Variants in LINGO2 observed in about 807,000 individuals in gnomAD.
LINGO2 encodes the protein leucine-rich repeat and immunoglobulin-like domain-containing nogo receptor-interacting protein 2.
LINGO2 carries 14 observed loss-of-function variants against 30.6 expected under a neutral mutation model. The ratio of observed to expected loss-of-function variants is 0.46; its 90% CI spans 0.30 to 0.72. The LOEUF (loss-of-function observed/expected upper bound fraction) is 0.72. Among genes scored for constraint, LINGO2 ranks in the 30% least tolerant of loss-of-function variants. The pLI, the probability that LINGO2 is intolerant of heterozygous loss-of-function variation, is 0.07. For missense variants in LINGO2, 729 were observed against 751.7 expected, an observed-to-expected ratio of 0.97 and a Z score of 0.35; for synonymous variants, 317 against 288.5, an observed-to-expected ratio of 1.10 and a Z score of -1.00.
At chr9:28,048,325 G>A (rs745496587) in intron 4 of LINGO2, among the ~76,000 whole-genome samples, 7 of 150,768 alleles carry the variant, frequency 4.6e-5, no homozygotes, top group Non-Finnish European at 7.4e-5. Flanking sequence ...TAAATTTTTT[G>A]TATAACAATA....
the LINGO2 span, among the ~76,000 whole-genome samples, chr9:29,117,100 A>T: frequency 6.6e-6 from 1 of 152,170 alleles, no homozygotes; most frequent in African/African-American, 2.4e-5. Context: ...GTGGTATGGC[A>T]TCTGGCACAA....
intron 3 of LINGO2, among the ~76,000 whole-genome samples, chr9:28,362,009 T>C (rs571749041): frequency 6.6e-6 from 1 of 152,198 alleles, no homozygotes; most frequent in South Asian, 2.1e-4. Context: ...CCAAAGGTGG[T>C]AGAGTACTGT....
rs1462355273 is a variant in LINGO2, at chr9:28,562,910, A to T, written c.-364-86885T>A. 2.1e-4 allele frequency among the ~76,000 whole-genome samples: 32 copies of T among 152,204 alleles called. 1 individual carries two copies. The highest frequency in any genetic ancestry group is 1.2e-4 in the Non-Finnish European group (8 of 68,020). ...CACCCAGGCTGCAGTGCAGTGGCACAATCTCGGCTCACTGCAAACTCCATC... is the reference window on the plus strand; with the variant it reads ...CACCCAGGCTGCAGTGCAGTGGCACTATCTCGGCTCACTGCAAACTCCATC... On this transcript the variant is annotated intron_variant, in intron 1 of 5. Coordinates refer to ENST00000379992, the Ensembl canonical transcript of LINGO2.
chr9:28,203,864 C>T (rs1485170960), intron 4 of LINGO2, among the ~76,000 whole-genome samples: 1 of 151,982 alleles, frequency 6.6e-6, no homozygotes, highest in East Asian at 1.9e-4. Flanking sequence ...AAAAAGCAAA[C>T]CCAAAAATGG....
intron 4 of LINGO2, among the ~76,000 whole-genome samples, chr9:28,109,885 A>G (rs1221843434): frequency 6.6e-6 from 1 of 152,198 alleles, no homozygotes; most frequent in Non-Finnish European, 1.5e-5. Context: ...GCATTAGAAA[A>G]AAAAACTACT....
At chr9:28,046,222 T>C (rs1293248185) in intron 4 of LINGO2, among the ~76,000 whole-genome samples, 1 of 152,180 alleles carries the variant, frequency 6.6e-6, no homozygotes, top group Non-Finnish European at 1.5e-5. Context: ...TTGCATTGAA[T>C]GCTATAAAAG....
chr9:28,033,273 T>C (rs1396432952), intron 4 of LINGO2, among the ~76,000 whole-genome samples: 5 of 152,196 alleles, frequency 3.3e-5, no homozygotes, highest in African/African-American at 1.2e-4. Flanking sequence ...ACTATACATG[T>C]TACATTCCAG....
chr9:28,868,752 C>T, the LINGO2 span, among the ~76,000 whole-genome samples: 2 of 152,066 alleles, frequency 1.3e-5, no homozygotes, highest in African/African-American at 4.8e-5. Flanking sequence ...TAACTGCAAA[C>T]ATAATTTGGT....
chr9:27,971,939 A>G (rs946391251), intron 5 of LINGO2, among the ~76,000 whole-genome samples: 3 of 152,190 alleles, frequency 2.0e-5, no homozygotes, highest in Non-Finnish European at 4.4e-5. Context: ...CCTTAAAACA[A>G]AATGGAAAAT....
At chr9:28,631,642 C>T (rs755822380) in intron 1 of LINGO2, among the ~76,000 whole-genome samples, 10 of 151,926 alleles carry the variant, frequency 6.6e-5, no homozygotes, top group Non-Finnish European at 1.0e-4. Context: ...GAAGAGAGAA[C>T]GTTAATATTT....
chr9:28,662,849 C>T (rs149360591), intron 1 of LINGO2, among the ~76,000 whole-genome samples: 50 of 152,288 alleles, frequency 3.3e-4, no homozygotes, highest in African/African-American at 1.1e-3. Context: ...ATTTAAACTT[C>T]TGACCATTCA....
At chr9:28,511,971 C>T (rs1045452550) in intron 1 of LINGO2, among the ~76,000 whole-genome samples, 4 of 152,162 alleles carry the variant, frequency 2.6e-5, no homozygotes, top group Non-Finnish European at 5.9e-5. Flanking sequence ...TCTTCTCTTC[C>T]TCTGTCAACT....
the LINGO2 span, among the ~76,000 whole-genome samples, chr9:29,110,222 T>A: frequency 6.6e-6 from 1 of 152,294 alleles, no homozygotes; most frequent in East Asian, 1.9e-4. Context: ...CCTTATACAC[T>A]GGTTTACTAT....
At chr9:29,099,150 G>A in the LINGO2 span, among the ~76,000 whole-genome samples, 4 of 152,130 alleles carry the variant, frequency 2.6e-5, no homozygotes, top group African/African-American at 4.8e-5. Context: ...TTCTTCAATC[G>A]ATAGTGCTGG....
chr9:29,076,586 AT>A, the LINGO2 span, among the ~76,000 whole-genome samples: 1 of 147,188 alleles, frequency 6.8e-6, no homozygotes, highest in African/African-American at 2.5e-5. Context: ...TATTACATAT[AT>A]ATATATTATA....
the LINGO2 span, among the ~76,000 whole-genome samples, chr9:28,698,051 C>A: frequency 1.3e-5 from 2 of 151,884 alleles, no homozygotes; most frequent in African/African-American, 4.8e-5. Flanking sequence ...TATGTATGAA[C>A]AAATTAGACT....
chr9:28,146,399 G>A (rs949292729), intron 4 of LINGO2, among the ~76,000 whole-genome samples: 2 of 152,126 alleles, frequency 1.3e-5, no homozygotes, highest in Non-Finnish European at 2.9e-5. Context: ...ACACTAGTTA[G>A]ACTAATCTAG....
At chr9:28,838,540 C>T in the LINGO2 span, among the ~76,000 whole-genome samples, 2 of 152,310 alleles carry the variant, frequency 1.3e-5, no homozygotes, top group Non-Finnish European at 2.9e-5. Flanking sequence ...TTGGTTTACA[C>T]AATCTTCCCT....
chr9:28,367,063 C>T (rs1163707748), intron 3 of LINGO2, among the ~76,000 whole-genome samples: 1 of 149,488 alleles, frequency 6.7e-6, no homozygotes, highest in African/African-American at 2.6e-5. Flanking sequence ...GACACATATA[C>T]ATTTATCTTC....
Sources: gnomAD v4.1 joint callset for allele counts (sites outside exome capture counted in the v4.1 genomes callset) on GRCh38, gnomAD v4.1.1 for gene constraint, MANE v1.5 for transcripts, NCBI Gene and HGNC (gene_info 2026-07-23, HGNC 2026-07-21) for gene names.